Variants in ADGRL2 observed in about 807,000 individuals in gnomAD.
ADGRL2 encodes adhesion G protein-coupled receptor L2.
Under a neutral mutation model 157.4 loss-of-function variants are expected in ADGRL2, and 44 were observed. The ratio of observed to expected loss-of-function variants is 0.28; its 90% CI spans 0.22 to 0.36. The LOEUF (loss-of-function observed/expected upper bound fraction) is 0.36. Among genes scored for constraint, ADGRL2 ranks in the 10% least tolerant of loss-of-function variants. The pLI, the probability that ADGRL2 is intolerant of heterozygous loss-of-function variation, is 1.00. For synonymous variants in ADGRL2, 585 were observed against 624.7 expected (o/e 0.94, Z 0.95); for missense variants, 1,510 against 1,768.9 (o/e 0.85, Z 2.63).
chr1:81,677,835 A>T (rs1249965652), intron 3 of ADGRL2, among the ~76,000 whole-genome samples: 2 of 152,186 alleles, frequency 1.3e-5, no homozygotes, highest in African/African-American at 4.8e-5. Context: ...CTTCCTGATG[A>T]CCATAAAACA....
intron 2 of ADGRL2, among the ~76,000 whole-genome samples, chr1:81,856,532 T>C (rs2093209448): frequency 6.6e-6 from 1 of 152,124 alleles, no homozygotes; most frequent in Admixed American, 6.6e-5. Flanking sequence ...CTTTGCCCCT[T>C]TAGCAGTGCC....
At chr1:81,773,679 G>A (rs1323216631) in intron 2 of ADGRL2, among the ~76,000 whole-genome samples, 1 of 152,046 alleles carries the variant, frequency 6.6e-6, no homozygotes, top group East Asian at 1.9e-4. Flanking sequence ...GCAATGAAAG[G>A]GACTGACATT....
rs148229184 is a variant in ADGRL2, at chr1:81,865,295, C to T, written c.73+28238C>T. Among the ~76,000 whole-genome samples, 611 of 152,242 alleles carry T rather than the reference C, an allele frequency of 4.0e-3. 4 individuals are homozygous for T. The highest frequency in any genetic ancestry group is 0.013 in the African/African-American group (551 of 41,556). ...TTATTGAGAGTTGATGAATGACAGC[C>T]ATGTCTGAAATCTCCAGTCAGACTC... On this transcript the variant is annotated intron_variant, in intron 2 of 23. Coordinates refer to ENST00000686636, the MANE Select transcript of ADGRL2 (RefSeq NM_001366006.2).
At chr1:81,981,003 C>T (rs577422050) in intron 18 of ADGRL2, 1 of 420,366 alleles carries the variant, frequency 2.4e-6, no homozygotes, top group South Asian at 6.3e-5. Context: ...TTGCTTGCCT[C>T]TGCATTTTGA....
At position 81,501,799 on chromosome 1, in the gene ADGRL2, GCAGCAGCAGCAA is replaced by G. The variant is rs1355765797; in HGVS notation, c.-248+56726_-248+56737del. Reference sequence around the variant, plus strand: ...AGCCACTTCAGCAGCAGCAGCAGCAGCAGCAGCAGCAACAGCAGCAGCAACAGAAGCAGCCAC... The same window carrying G: ...AGCCACTTCAGCAGCAGCAGCAGCAGCAGCAGCAGCAACAGAAGCAGCCAC... On this transcript the variant is annotated intron_variant, in intron 2 of 24. Transcript: ENST00000370721. 3.1e-6 allele frequency: 5 copies of G among 1,605,736 alleles called. No individual in the cohort carries two copies. In the African/African-American group the frequency reaches 4.0e-5, roughly 13 times the overall value.
At chr1:81,391,452 C>A (rs1297751272) in intron 1 of ADGRL2, among the ~76,000 whole-genome samples, 11 of 152,302 alleles carry the variant, frequency 7.2e-5, no homozygotes, top group Non-Finnish European at 1.5e-5. Context: ...GAACTGTTTT[C>A]TGTAGGGAAA....
In ADGRL2 at chr1:81,918,389, C is replaced by CAT. The variant is rs561825796; in HGVS notation, c.287+11171_287+11172dup. On this transcript the variant is annotated intron_variant, in intron 3 of 23. Coordinates refer to ENST00000686636, the MANE Select transcript of ADGRL2 (RefSeq NM_001366006.2). ...TATGGAAAAATCCTTTCATTCATTA[C>CAT]ATATATATATATAACATTAAGGGAC... Among the ~76,000 whole-genome samples, 202 of 151,342 alleles carry CAT rather than the reference C, an allele frequency of 1.3e-3. 1 individual carries two copies. The highest frequency in any genetic ancestry group is 4.0e-3 in the African/African-American group (166 of 41,286).
chr1:81,439,751 G>A (rs1169010119), intron 1 of ADGRL2, among the ~76,000 whole-genome samples: 2 of 152,230 alleles, frequency 1.3e-5, no homozygotes, highest in African/African-American at 4.8e-5. Flanking sequence ...CAGCTCAGTT[G>A]GTCCCTTGCC....
chr1:81,869,676 G>A (rs915574634), intron 2 of ADGRL2, among the ~76,000 whole-genome samples: 1 of 151,760 alleles, frequency 6.6e-6, no homozygotes, highest in Non-Finnish European at 1.5e-5. Flanking sequence ...CAGTCACATT[G>A]ATCATCAAAA....
chr1:81,747,009 C>T (rs1404901656), intron 1 of ADGRL2, among the ~76,000 whole-genome samples: 2 of 146,200 alleles, frequency 1.4e-5, no homozygotes, highest in African/African-American at 5.0e-5. Flanking sequence ...CGTGTATACA[C>T]ACGTATGTAT....
chr1:81,395,638 T>A (rs553413989), intron 1 of ADGRL2, among the ~76,000 whole-genome samples: 3 of 152,324 alleles, frequency 2.0e-5, no homozygotes, highest in African/African-American at 7.2e-5. Context: ...CTGAAGTGGT[T>A]TCCCTTATGT....
At chr1:81,505,740 CAAAAAAAA>C (rs59062091) in intron 2 of ADGRL2, among the ~76,000 whole-genome samples, 55 of 85,076 alleles carry the variant, frequency 6.5e-4, no homozygotes, top group East Asian at 2.7e-3. Context: ...TGTCCTCCTG[CAAAAAAAA>C]AAAAAAAAAA....
At chr1:81,384,778 T>C (rs1224089685) in intron 1 of ADGRL2, among the ~76,000 whole-genome samples, 1 of 152,130 alleles carries the variant, frequency 6.6e-6, no homozygotes, top group African/African-American at 2.4e-5. Flanking sequence ...TGCTTGAAAA[T>C]GTGACTGAGA....
rs2095317033 is a variant in ADGRL2 at position 81,936,818 on chromosome 1, A to G, written c.378A>G (p.Gln126=). ...GAACATACAAATACCTTGAAGTCCA[A>G]TATGAATGTGTCCCTTACAGTAAGT... ...CPGTYKYLEV[Q]YECVPYMEQK... is the part of the protein sequence containing the mutation. The change falls in exon 4 of 24, where the codon CAA becomes CAG. Residue 126 remains glutamine, a synonymous_variant. Transcript: ENST00000686636. 1.9e-6 allele frequency: 3 copies of G among 1,604,870 alleles called. No homozygotes were observed. The highest frequency in any genetic ancestry group is 2.2e-5 in the South Asian group (2 of 90,864).
chr1:81,724,547 C>T (rs1156958984), intron 1 of ADGRL2, among the ~76,000 whole-genome samples: 1 of 152,110 alleles, frequency 6.6e-6, no homozygotes, highest in Non-Finnish European at 1.5e-5. Context: ...TTCTTTCCCT[C>T]CCCTCCAATG....
At chr1:81,871,825 A>G (rs967586996) in intron 2 of ADGRL2, among the ~76,000 whole-genome samples, 1 of 152,006 alleles carries the variant, frequency 6.6e-6, no homozygotes, top group Non-Finnish European at 1.5e-5. Flanking sequence ...TAGATTCTGG[A>G]TATTAGTCCT....
At chr1:81,350,143 G>T (rs1327604) in intron 1 of ADGRL2, among the ~76,000 whole-genome samples, 3 of 151,932 alleles carry the variant, frequency 2.0e-5, no homozygotes, top group Non-Finnish European at 4.4e-5. Context: ...TGATTTTAGG[G>T]ATGAATTTTT....
chr1:81,523,218 T>C (rs2079366798), intron 2 of ADGRL2, among the ~76,000 whole-genome samples: 2 of 152,280 alleles, frequency 1.3e-5, no homozygotes, highest in Admixed American at 1.3e-4. Flanking sequence ...GTAGCTATTA[T>C]GTCATACTAA....
chr1:81,652,271 T>A (rs1340736860), intron 3 of ADGRL2, among the ~76,000 whole-genome samples: 1 of 152,206 alleles, frequency 6.6e-6, no homozygotes, highest in Non-Finnish European at 1.5e-5. Flanking sequence ...TAATTCTATA[T>A]CTCTGAACAC....
Sources: gnomAD v4.1 joint callset for allele counts (sites outside exome capture counted in the v4.1 genomes callset) on GRCh38, gnomAD v4.1.1 for gene constraint, MANE v1.5 for transcripts, NCBI Gene and HGNC (gene_info 2026-07-23, HGNC 2026-07-21) for gene names.